The following MRPL22 variants were observed in gnomAD, a reference collection of about 807,000 sequenced individuals.
MRPL22 encodes mitochondrial ribosomal protein L22, also known as large ribosomal subunit protein uL22m.
In MRPL22, 27 loss-of-function variants were observed where a neutral mutation model predicts 32.4. The ratio of observed to expected loss-of-function variants is 0.83; its 90% CI spans 0.61 to 1.15. MRPL22 has a LOEUF of 1.15. Among genes scored for constraint, MRPL22 ranks in the 50% most tolerant of loss-of-function variants. The probability of loss-of-function intolerance (pLI) is 0.00; values close to 1 mark genes in which losing one functional copy is unlikely to be tolerated. For synonymous variants in MRPL22, 86 were observed against 87.3 expected, an observed-to-expected ratio of 0.99 and a Z score of 0.08; for missense variants, 239 against 260.2, an observed-to-expected ratio of 0.92 and a Z score of 0.56.
chr5:154,963,733 C>T (rs1054201459), intron 6 of MRPL22, among the ~76,000 whole-genome samples: 1 of 152,068 alleles, frequency 6.6e-6, no homozygotes, highest in Non-Finnish European at 1.5e-5. Flanking sequence ...CTTATAAAGA[C>T]AGCATATGAT....
chr5:154,953,229 A>G, intron 3 of MRPL22, among the ~76,000 whole-genome samples: 1 of 151,908 alleles, frequency 6.6e-6, no homozygotes, highest in South Asian at 2.1e-4. Flanking sequence ...GGTGGTGCAC[A>G]CCTGTAGTCC....
rs558167190 is a variant in MRPL22 at position 154,948,508 on chromosome 5, A to T, written c.78-2313A>T. Among the ~76,000 whole-genome samples the T allele has an allele frequency of 3.3e-5, 5 of 152,170 alleles. No homozygotes were observed. The East Asian group carries it at 7.7e-4, about 23-fold the overall frequency. ...GGATTTTACCGAGTGCATCCCCATG[A>T]TATTACGTAACATGTTGTCTTTTCT... On this transcript the variant is annotated intron_variant, in intron 2 of 6. Coordinates refer to ENST00000523037, the MANE Select transcript of MRPL22 (RefSeq NM_014180.4).
rs1312043107 is a variant in MRPL22 at position 154,941,073 on chromosome 5, G to T, written c.-38G>T. On this transcript the variant is annotated 5_prime_UTR_variant, in exon 1 of 7. Coordinates refer to ENST00000523037, the MANE Select transcript of MRPL22 (RefSeq NM_014180.4). ...TGCGCATGCGTGCTGTCCAGAAGGCGCTTGAACTCGGCGGCTTCCGTAGCG... is the reference window on the plus strand; with the variant it reads ...TGCGCATGCGTGCTGTCCAGAAGGCTCTTGAACTCGGCGGCTTCCGTAGCG... 3 of 1,612,962 alleles carry T rather than the reference G, an allele frequency of 1.9e-6. No individual in the cohort carries two copies. The highest frequency in any genetic ancestry group is 2.7e-5 in the African/African-American group (2 of 75,004).
intron 6 of MRPL22, among the ~76,000 whole-genome samples, chr5:154,961,354 G>C (rs947275398): frequency 7.9e-5 from 12 of 152,198 alleles, no homozygotes; most frequent in Non-Finnish European, 1.8e-4. Flanking sequence ...CATTGGAAGG[G>C]ATGAGGAGCA....
In MRPL22 at chr5:154,966,675, T is replaced by C. The variant is rs752410090; in HGVS notation, c.410-11T>C. On this transcript the variant is annotated splice_polypyrimidine_tract_variant and intron_variant, in intron 6 of 6. Transcript: ENST00000523037. ...CTCATTTCCTGTAATTCTCTTTTTCTTCCTGTTTAGCTGAGTCCACCTCAG... is the reference window on the plus strand; with the variant it reads ...CTCATTTCCTGTAATTCTCTTTTTCCTCCTGTTTAGCTGAGTCCACCTCAG... The C allele has an allele frequency of 1.2e-6, 2 of 1,613,006 alleles. No homozygotes were observed. The highest frequency in any genetic ancestry group is 1.7e-6 in the Non-Finnish European group (2 of 1,179,788).
chr5:154,963,836 G>GA (rs1390440977), intron 6 of MRPL22, among the ~76,000 whole-genome samples: 1 of 152,168 alleles, frequency 6.6e-6, no homozygotes, highest in African/African-American at 2.4e-5. Context: ...AGACTTTCTA[G>GA]AAAAAATTGG....
intron 5 of MRPL22, among the ~76,000 whole-genome samples, chr5:154,958,524 T>C (rs1764660361): frequency 6.6e-6 from 1 of 150,522 alleles, no homozygotes; most frequent in Non-Finnish European, 1.5e-5. Context: ...GTTTCTGTTA[T>C]TTCTGACAAT....
At chr5:154,955,226 C>G (rs577359124) in intron 3 of MRPL22, 47 of 152,310 alleles carry the variant, frequency 3.1e-4, no homozygotes, top group African/African-American at 1.1e-3. Context: ...TAGGCTATTG[C>G]TATAGTTTCA....
chr5:154,966,128 G>C (rs955721926), intron 6 of MRPL22, among the ~76,000 whole-genome samples: 3 of 152,094 alleles, frequency 2.0e-5, no homozygotes, highest in African/African-American at 7.2e-5. Flanking sequence ...TTCCTTGTTT[G>C]TGCTTCTCTT....
rs142078203 is a variant in MRPL22 at position 154,963,750 on chromosome 5, C to T, written c.410-2936C>T. On this transcript the variant is annotated intron_variant, in intron 6 of 6. Transcript: ENST00000523037. Reference sequence around the variant, plus strand: ...TATAAAGACAGCATATGATTTGGGACCAAAAAGAGTAATACAGACAAATGG... The same window carrying T: ...TATAAAGACAGCATATGATTTGGGATCAAAAAGAGTAATACAGACAAATGG... Among the ~76,000 whole-genome samples, 1,442 of 152,022 alleles carry T rather than the reference C, an allele frequency of 9.5e-3. 11 individuals carry two copies. Among genetic ancestry groups the T allele is most frequent in the Non-Finnish European group, 0.014 (942 of 68,012 alleles).
intron 6 of MRPL22, among the ~76,000 whole-genome samples, chr5:154,960,722 T>G (rs1764690345): frequency 6.6e-6 from 1 of 152,220 alleles, no homozygotes; most frequent in African/African-American, 2.4e-5. Context: ...ACACAGTTAT[T>G]TTCTGAGAAG....
chr5:154,955,041 G>A (rs1177806571), intron 3 of MRPL22, among the ~76,000 whole-genome samples: 3 of 151,902 alleles, frequency 2.0e-5, no homozygotes, highest in African/African-American at 4.8e-5. Context: ...TGATCCGGCC[G>A]CCTCGGCCTC....
At chr5:154,959,924 A>T in intron 5 of MRPL22, 56 bp from the exon 6 acceptor site, 1 of 1,256,940 alleles carries the variant, frequency 8.0e-7, no homozygotes, top group Non-Finnish European at 1.1e-6. Context: ...TGAGAAACTT[A>T]ATTCCATTTT....
At chr5:154,951,471 A>G (rs998850779) in intron 3 of MRPL22, among the ~76,000 whole-genome samples, 3 of 152,216 alleles carry the variant, frequency 2.0e-5, no homozygotes, top group Non-Finnish European at 4.4e-5. Context: ...TTGTCATGAC[A>G]TCACAACTTG....
At chr5:154,960,845 G>C (rs950933295) in intron 6 of MRPL22, among the ~76,000 whole-genome samples, 2 of 152,102 alleles carry the variant, frequency 1.3e-5, no homozygotes, top group Non-Finnish European at 2.9e-5. Flanking sequence ...CCTAACCTCA[G>C]CAGTTTTATA....
At chr5:154,947,662 G>C (rs900638166) in intron 2 of MRPL22, among the ~76,000 whole-genome samples, 1 of 152,192 alleles carries the variant, frequency 6.6e-6, no homozygotes, top group Non-Finnish European at 1.5e-5. Context: ...ACCAGACATT[G>C]TTCTTGGTGC....
At chr5:154,954,553 G>A (rs1262256698) in intron 3 of MRPL22, among the ~76,000 whole-genome samples, 3 of 151,998 alleles carry the variant, frequency 2.0e-5, no homozygotes, top group South Asian at 2.1e-4. Context: ...ACTTTGTCTC[G>A]TTTATCTTTA....
rs1764572794 is a variant in MRPL22 at position 154,952,169 on chromosome 5, T to C, written c.195+1231T>C. ...GTGCTGGGATTACAGGCGTGAGCCA[T>C]CGTGCCCGGCCTGAAATCAGGTATT... On this transcript the variant is annotated intron_variant, in intron 3 of 6. Coordinates refer to ENST00000523037, the MANE Select transcript of MRPL22 (RefSeq NM_014180.4). Among the ~76,000 whole-genome samples the C allele has an allele frequency of 2.0e-5, 3 of 152,246 alleles. No homozygotes were observed. The South Asian group carries it at 6.2e-4, about 32-fold the overall frequency.
In MRPL22 at chr5:154,941,101, A is replaced by C. The variant is rs201895595; in HGVS notation, c.-10A>C. On this transcript the variant is annotated 5_prime_UTR_variant, in exon 1 of 7. Transcript: ENST00000523037. ...TGAACTCGGCGGCTTCCGTAGCGGG[A>C]GGGCGAAAGATGGCGGCGGCAGTAC... The C allele has an allele frequency of 1.2e-6, 2 of 1,613,472 alleles. No individual in the cohort carries two copies. The highest frequency in any genetic ancestry group is 1.3e-5 in the African/African-American group (1 of 74,878).
Sources: allele counts gnomAD v4.1 joint callset (sites outside exome capture counted in the v4.1 genomes callset), GRCh38; gene constraint gnomAD v4.1.1; transcripts MANE v1.5; gene names NCBI Gene and HGNC (gene_info 2026-07-23, HGNC 2026-07-21).